UBR1: variants seen among roughly 807,000 people sequenced by gnomAD.
The protein encoded by UBR1 is E3 ubiquitin-protein ligase UBR1.
A neutral mutation model predicts 242.1 loss-of-function variants in UBR1; 102 were observed. The ratio of observed to expected loss-of-function variants is 0.42; its 90% confidence interval spans 0.36 to 0.50. The LOEUF is 0.50. Ranked by LOEUF, UBR1 falls within the 20% of genes least tolerant of loss-of-function variation. The pLI is 0.01. For missense variants in UBR1, 1,772 were observed against 2,101.8 expected, an observed-to-expected ratio of 0.84 and a Z score of 3.07; for synonymous variants, 675 against 684.8, an observed-to-expected ratio of 0.99 and a Z score of 0.22.
intron 1 of UBR1, 102 bp downstream of exon 1, chr15:43,105,840 C>A: frequency 1.7e-6 from 2 of 1,154,448 alleles, no homozygotes; most frequent in Non-Finnish European, 2.6e-6. Context: ...AGATAACTCC[C>A]CCTCCCCAGA....
chr15:42,960,818 G>T, intron 42 of UBR1, 117 bp from the exon 43 acceptor site: 1 of 1,051,584 alleles, frequency 9.5e-7, no homozygotes, highest in Non-Finnish European at 1.4e-6. Flanking sequence ...GCCCAGGCTG[G>T]AGTACAGTGG....
At chr15:43,103,291 A>G (rs1260118344) in intron 1 of UBR1, among the ~76,000 whole-genome samples, 1 of 152,220 alleles carries the variant, frequency 6.6e-6, no homozygotes, top group South Asian at 2.1e-4. Flanking sequence ...ATCTGAGCCC[A>G]AGAGATTGAG....
At chr15:43,021,959 T>G (rs1256689021) in intron 26 of UBR1, among the ~76,000 whole-genome samples, 4 of 152,200 alleles carry the variant, frequency 2.6e-5, no homozygotes, top group African/African-American at 4.8e-5. Flanking sequence ...CATCTTTTAC[T>G]GGCACTGCTA....
intron 1 of UBR1, among the ~76,000 whole-genome samples, chr15:43,102,563 C>G (rs2034250448): frequency 6.6e-6 from 1 of 152,172 alleles, no homozygotes; most frequent in African/African-American, 2.4e-5. Flanking sequence ...CTGAAATTGA[C>G]TTAAGGAAGA....
intron 32 of UBR1, among the ~76,000 whole-genome samples, chr15:42,999,849 C>G (rs1042961367): frequency 2.6e-5 from 4 of 151,418 alleles, no homozygotes; most frequent in African/African-American, 4.9e-5. Context: ...GGACTAGAAA[C>G]AGTGTTATTA....
At chr15:43,002,463 C>T (rs1324299238) in intron 32 of UBR1, 92 bp downstream of exon 32, 54 of 1,415,026 alleles carry the variant, frequency 3.8e-5, no homozygotes, top group Non-Finnish European at 4.8e-5. Context: ...TCTGGCAATC[C>T]GCCCATCTCA....
At chr15:43,050,718 C>T (rs1054184276) in intron 12 of UBR1, among the ~76,000 whole-genome samples, 24 of 126,050 alleles carry the variant, frequency 1.9e-4, no homozygotes, top group Admixed American at 1.3e-3. Context: ...AGCGAGACTC[C>T]GTCTTAAAAA....
intron 19 of UBR1, among the ~76,000 whole-genome samples, chr15:43,032,940 C>A (rs1030745713): frequency 3.9e-5 from 6 of 152,174 alleles, no homozygotes; most frequent in Non-Finnish European, 7.3e-5. Context: ...TTCTTACCTG[C>A]GTTAGTGAGA....
intron 33 of UBR1, among the ~76,000 whole-genome samples, chr15:42,997,350 G>A (rs138122478): frequency 1.2e-4 from 19 of 152,170 alleles, no homozygotes; most frequent in South Asian, 2.1e-4. Flanking sequence ...TAATTATTTC[G>A]TTATATATTA....
At chr15:43,100,155 A>G (rs922666736) in intron 1 of UBR1, among the ~76,000 whole-genome samples, 10 of 152,172 alleles carry the variant, frequency 6.6e-5, no homozygotes, top group Admixed American at 1.3e-4. Flanking sequence ...GATTACAGGC[A>G]TGAGCCACTG....
intron 26 of UBR1, among the ~76,000 whole-genome samples, chr15:43,021,790 CA>C (rs1404640308): frequency 4.6e-5 from 7 of 152,166 alleles, no homozygotes; most frequent in African/African-American, 1.4e-4. Context: ...GTACAAATTA[CA>C]ATTTCTAGTT....
At chr15:43,017,655 C>A (rs903761256) in intron 27 of UBR1, among the ~76,000 whole-genome samples, 2 of 151,844 alleles carry the variant, frequency 1.3e-5, no homozygotes, top group Admixed American at 1.3e-4. Flanking sequence ...ACTAAAAATA[C>A]AAAAATTAGC....
intron 5 of UBR1, among the ~76,000 whole-genome samples, chr15:43,069,696 T>G (rs947742206): frequency 6.6e-6 from 1 of 152,118 alleles, no homozygotes. Context: ...ACTAAAGGGG[T>G]TAAAAGGCCA....
At chr15:42,958,180 TA>T in intron 43 of UBR1, 90 bp from the exon 44 acceptor site, 1 of 853,384 alleles carries the variant, frequency 1.2e-6, no homozygotes, top group Non-Finnish European at 1.9e-6. Context: ...GTCTTAAAAA[TA>T]ACAAAAGGAT....
At chr15:43,094,909 G>A (rs1468167116) in intron 1 of UBR1, among the ~76,000 whole-genome samples, 1 of 152,140 alleles carries the variant, frequency 6.6e-6, no homozygotes, top group East Asian at 1.9e-4. Flanking sequence ...TAAGCATGCT[G>A]TCAGAATTTG....
intron 46 of UBR1, among the ~76,000 whole-genome samples, chr15:42,945,860 G>A (rs944115896): frequency 3.9e-5 from 6 of 152,138 alleles, no homozygotes; most frequent in Non-Finnish European, 8.8e-5. Flanking sequence ...TAGGCCTGAC[G>A]TATAACACTA....
rs771441856 is a variant in UBR1 at position 42,976,821 on chromosome 15, A to G, written c.4265T>C (p.Val1422Ala). The G allele has an allele frequency of 6.2e-7, 1 of 1,614,154 alleles. No individual in the cohort carries two copies. The highest frequency in any genetic ancestry group is 2.2e-5 in the East Asian group (1 of 44,862). ...ACTAACTGAAGAAGGCTGCAGATCA[A>G]CAGGGTCATCCCAATACAAGGATGG... is the stretch of plus-strand genomic sequence containing the variant. ...AFPSLYWDDP[V>A]DLQPSSVSSS... The change falls in exon 39 of 47, where the codon GTT (valine) becomes GCT (alanine). Residue 1422 changes from valine to alanine, a missense_variant. Val to Ala is a moderately conservative substitution (Grantham distance 64, BLOSUM62 0). Coordinates refer to ENST00000290650, the MANE Select transcript of UBR1 (RefSeq NM_174916.3).
intron 15 of UBR1, 65 bp downstream of exon 15, chr15:43,043,149 TC>T: frequency 6.4e-7 from 1 of 1,567,242 alleles, no homozygotes; most frequent in South Asian, 1.1e-5. Context: ...TAGAAATGAT[TC>T]TACTAAATGA....
chr15:42,993,023 G>C (rs2032579859), intron 33 of UBR1, among the ~76,000 whole-genome samples: 1 of 152,136 alleles, frequency 6.6e-6, no homozygotes, highest in Non-Finnish European at 1.5e-5. Context: ...GGCTGGCCTT[G>C]GGAGAAGACC....
Sources: allele counts gnomAD v4.1 joint callset (sites outside exome capture counted in the v4.1 genomes callset), GRCh38; gene constraint gnomAD v4.1.1; transcripts MANE v1.5; gene names NCBI Gene and HGNC (gene_info 2026-07-23, HGNC 2026-07-21).